NADK2: variants seen among roughly 807,000 people sequenced by gnomAD.
NADK2 encodes NAD kinase 2, mitochondrial, also known as NAD kinase domain-containing protein 1, mitochondrial.
Under a neutral mutation model 62.1 loss-of-function variants are expected in NADK2, and 35 were observed. The ratio of observed to expected loss-of-function variants is 0.56; its 90% CI spans 0.43 to 0.75. NADK2 has a LOEUF of 0.75. Ranked by LOEUF, NADK2 falls within the 30% of genes least tolerant of loss-of-function variation. The pLI, the probability that NADK2 is intolerant of heterozygous loss-of-function variation, is 0.00. For missense variants in NADK2, 439 were observed against 561.3 expected (o/e 0.78, Z 2.20); for synonymous variants, 205 against 207.9 (o/e 0.99, Z 0.12).
intron 9 of NADK2, 50 bp from the exon 10 acceptor site, chr5:36,200,330 T>G: frequency 9.8e-6 from 11 of 1,122,566 alleles, no homozygotes; most frequent in Non-Finnish European, 1.3e-5. Flanking sequence ...ATATATATCT[T>G]ATATATATAT....
chr5:36,199,749 T>G (rs1332010904), intron 10 of NADK2, among the ~76,000 whole-genome samples: 1 of 152,040 alleles, frequency 6.6e-6, no homozygotes, highest in East Asian at 1.9e-4. Context: ...GAACCTACGA[T>G]TTCAGATTTC....
intron 1 of NADK2, among the ~76,000 whole-genome samples, chr5:36,237,229 T>C (rs1173404325): frequency 2.0e-5 from 3 of 152,168 alleles, no homozygotes; most frequent in Non-Finnish European, 4.4e-5. Context: ...CATTTCAGAA[T>C]GTGTTTAATA....
chr5:36,199,103 A>G (rs1383634423), intron 10 of NADK2, among the ~76,000 whole-genome samples: 1 of 152,012 alleles, frequency 6.6e-6, no homozygotes, highest in Non-Finnish European at 1.5e-5. Context: ...CTAATGCTAA[A>G]TGACGAGTTA....
intron 10 of NADK2, among the ~76,000 whole-genome samples, chr5:36,199,196 T>TA (rs1289580024): frequency 6.6e-6 from 1 of 151,810 alleles, no homozygotes; most frequent in Non-Finnish European, 1.5e-5. Context: ...AAACTTAAAG[T>TA]ATAATAATAA....
At chr5:36,231,016 C>T (rs1292981096) in intron 1 of NADK2, among the ~76,000 whole-genome samples, 1 of 152,160 alleles carries the variant, frequency 6.6e-6, no homozygotes, top group Admixed American at 6.5e-5. Flanking sequence ...ATTCCCTATC[C>T]AGGATTTTTA....
chr5:36,230,772 T>C (rs1233164242), intron 1 of NADK2, among the ~76,000 whole-genome samples: 1 of 133,410 alleles, frequency 7.5e-6, no homozygotes, highest in Non-Finnish European at 1.6e-5. Context: ...GTGAACACTT[T>C]ACACAGCTAG....
intron 10 of NADK2, among the ~76,000 whole-genome samples, chr5:36,197,870 C>T (rs920148122): frequency 6.6e-6 from 1 of 151,802 alleles, no homozygotes. Context: ...GATTTGCCCA[C>T]AGAAACATAC....
At chr5:36,202,982 T>A (rs1579600254) in intron 8 of NADK2, among the ~76,000 whole-genome samples, 1 of 152,102 alleles carries the variant, frequency 6.6e-6, no homozygotes, top group East Asian at 1.9e-4. Context: ...AAGCAAAGAC[T>A]AATTAAAGAA....
At chr5:36,239,221 A>G (rs1748018759) in intron 1 of NADK2, among the ~76,000 whole-genome samples, 1 of 152,200 alleles carries the variant, frequency 6.6e-6, no homozygotes, top group African/African-American at 2.4e-5. Context: ...CAATATAACA[A>G]ATAATACTTA....
chr5:36,227,383 T>C, intron 2 of NADK2, 94 bp downstream of exon 2: 1 of 480,148 alleles, frequency 2.1e-6, no homozygotes, highest in Non-Finnish European at 3.5e-6. Flanking sequence ...ATAACAATCA[T>C]CACTAAAAAT....
intron 1 of NADK2, among the ~76,000 whole-genome samples, chr5:36,230,364 A>G (rs6451266): frequency 1 from 152,249 of 152,376 alleles, 76,062 homozygotes; most frequent in Middle Eastern, 1. Context: ...AGCTGCTGCT[A>G]GTGCTGCCCT....
At chr5:36,227,606 TTAC>T in intron 1 of NADK2, 41 bp from the exon 2 acceptor site, 1 of 1,081,696 alleles carries the variant, frequency 9.2e-7, no homozygotes. Context: ...CTAATATATA[TTAC>T]ACATGATGTT....
intron 1 of NADK2, among the ~76,000 whole-genome samples, chr5:36,237,450 T>C (rs1747951542): frequency 6.6e-6 from 1 of 152,198 alleles, no homozygotes; most frequent in Non-Finnish European, 1.5e-5. Context: ...AGGTTGCTTC[T>C]GGAAGAAAAC....
At chr5:36,231,080 A>C (rs1579635693) in intron 1 of NADK2, among the ~76,000 whole-genome samples, 1 of 152,220 alleles carries the variant, frequency 6.6e-6, no homozygotes, top group African/African-American at 2.4e-5. Context: ...CCAGGAAAAA[A>C]GCACATAAAC....
chr5:36,207,347 C>A, intron 7 of NADK2, 82 bp from the exon 8 acceptor site: 2 of 1,016,362 alleles, frequency 2.0e-6, no homozygotes, highest in Admixed American at 2.3e-5. Flanking sequence ...CTAAGGAAAT[C>A]TTAAGTAAGT....
chr5:36,212,500 T>A (rs944257913), intron 6 of NADK2, among the ~76,000 whole-genome samples: 1 of 152,208 alleles, frequency 6.6e-6, no homozygotes, highest in South Asian at 2.1e-4. Context: ...TAAAGTAATC[T>A]TCCTTCATAA....
At position 36,211,841 on chromosome 5, in the gene NADK2, T is replaced by C. The variant is rs1190801093; in HGVS notation, c.860+3A>G. 1 of 1,611,030 alleles carries C rather than the reference T, an allele frequency of 6.2e-7. No individual in the cohort carries two copies. The highest frequency in any genetic ancestry group is 8.5e-7 in the Non-Finnish European group (1 of 1,177,960). On this transcript the variant is annotated splice_donor_region_variant and intron_variant, in intron 7 of 11. Transcript: ENST00000381937. The stretch of plus-strand genomic sequence containing the variant: ...ATGCTCAAGATCACAGGTTTAAAAG[T>C]ACCTGGATGACAGACTCTCCCCAAT...
chr5:36,214,991 T>C (rs1746988956), intron 6 of NADK2, among the ~76,000 whole-genome samples: 1 of 152,204 alleles, frequency 6.6e-6, no homozygotes, highest in African/African-American at 2.4e-5. Flanking sequence ...CCAGAGATTA[T>C]TAAAGTATAG....
At chr5:36,230,610 A>G (rs1163453956) in intron 1 of NADK2, among the ~76,000 whole-genome samples, 1 of 152,232 alleles carries the variant, frequency 6.6e-6, no homozygotes, top group East Asian at 1.9e-4. Flanking sequence ...CATTTTCCAG[A>G]AAAGCAAGAA....
Sources: allele counts gnomAD v4.1 joint callset (sites outside exome capture counted in the v4.1 genomes callset), GRCh38; gene constraint gnomAD v4.1.1; transcripts MANE v1.5; gene names NCBI Gene and HGNC (gene_info 2026-07-23, HGNC 2026-07-21).